Variants in FMN2 observed in about 807,000 individuals in gnomAD.
FMN2 encodes formin 2.
Under a neutral mutation model 142.3 loss-of-function variants are expected in FMN2, and 51 were observed. The observed-to-expected ratio is 0.36, with a 90% confidence interval of 0.29 to 0.45. FMN2 has a LOEUF of 0.45. Among genes scored for constraint, FMN2 ranks in the 20% least tolerant of loss-of-function variants. FMN2 has a pLI of 1.00. For missense variants in FMN2, 1,936 were observed against 2,122.8 expected, an observed-to-expected ratio of 0.91 and a Z score of 1.73; for synonymous variants, 882 against 869.8, an observed-to-expected ratio of 1.01 and a Z score of -0.25.
At chr1:240,403,623 TC>T (rs146313670) in intron 15 of FMN2, among the ~76,000 whole-genome samples, 3,469 of 152,240 alleles carry the variant, frequency 0.023, 111 homozygotes, top group African/African-American at 0.079. Flanking sequence ...TCTTTTTTTT[TC>T]CTCCAGGAGC....
intron 15 of FMN2, among the ~76,000 whole-genome samples, chr1:240,412,298 T>C (rs1221749797): frequency 6.6e-6 from 1 of 152,228 alleles, no homozygotes; most frequent in African/African-American, 2.4e-5. Context: ...ATTTGAATTT[T>C]GACGCACTTT....
intron 2 of FMN2, among the ~76,000 whole-genome samples, chr1:240,155,100 A>G (rs1444874390): frequency 6.6e-6 from 1 of 151,952 alleles, no homozygotes; most frequent in African/African-American, 2.4e-5. Context: ...CATGTTGCCC[A>G]GGCTAGTCTC....
In FMN2 at chr1:240,235,488, G is replaced by A. The variant is rs539693590; in HGVS notation, c.4066-22457G>A. On this transcript the variant is annotated intron_variant, in intron 6 of 17. Coordinates refer to ENST00000319653, the MANE Select transcript of FMN2 (RefSeq NM_020066.5). ...GTGCAGTGGTGTGATCATCGCTCACGACAGCTTCAAACTCCTGGGCTTAGG... is the reference window on the plus strand; with the variant it reads ...GTGCAGTGGTGTGATCATCGCTCACAACAGCTTCAAACTCCTGGGCTTAGG... Among the ~76,000 whole-genome samples, 414 of 151,464 alleles carry A rather than the reference G, an allele frequency of 2.7e-3. 2 individuals are homozygous for A. Among genetic ancestry groups the A allele is most frequent in the African/African-American group, 9.2e-3 (381 of 41,248 alleles).
Position 240,092,301 on chromosome 1 carries a change from G to T in FMN2, c.192G>T (p.Lys64Asn). The change falls in exon 1 of 18, where the codon AAG (lysine) becomes AAT (asparagine). Residue 64 changes from lysine (K) to asparagine (N), a missense_variant. Physicochemically the swap from Lys to Asn is moderately conservative, Grantham distance 94. Coordinates refer to ENST00000319653, the MANE Select transcript of FMN2 (RefSeq NM_020066.5). ...GCGGCGGCGGGGAGTCGGGCAAGAA[G>T]AAGAGCAAGTCCGACTCCAGAGCCT... ...GGGGGGESGKKKSKSDSRASV... is the reference protein window; with the variant it reads ...GGGGGGESGKNKSKSDSRASV... The T allele has an allele frequency of 1.3e-6, 2 of 1,598,132 alleles. No individual in the cohort carries two copies. The highest frequency in any genetic ancestry group is 1.7e-6 in the Non-Finnish European group (2 of 1,170,722).
intron 15 of FMN2, among the ~76,000 whole-genome samples, chr1:240,436,608 T>G (rs561041851): frequency 6.7e-6 from 1 of 148,544 alleles, no homozygotes; most frequent in African/African-American, 2.5e-5. Context: ...ACCCGGGAAG[T>G]GGAGGTTGCA....
chr1:240,410,258 T>C (rs190837860), intron 15 of FMN2, among the ~76,000 whole-genome samples: 3 of 152,262 alleles, frequency 2.0e-5, no homozygotes, highest in Admixed American at 1.3e-4. Flanking sequence ...AATTTTTAAT[T>C]CCATCCAAAA....
chr1:240,425,574 G>C (rs1315197966), intron 15 of FMN2, among the ~76,000 whole-genome samples: 1 of 152,060 alleles, frequency 6.6e-6, no homozygotes, highest in Non-Finnish European at 1.5e-5. Context: ...TATGCTTCTG[G>C]TTGTCGTAGA....
chr1:240,431,128 A>G (rs1051124471), intron 15 of FMN2, among the ~76,000 whole-genome samples: 5 of 151,838 alleles, frequency 3.3e-5, no homozygotes, highest in Non-Finnish European at 5.9e-5. Context: ...TCTCTCAACA[A>G]TGTTTGTAGT....
intron 2 of FMN2, among the ~76,000 whole-genome samples, chr1:240,128,121 C>T (rs1243681898): frequency 6.6e-6 from 1 of 152,178 alleles, no homozygotes; most frequent in Non-Finnish European, 1.5e-5. Context: ...CAAGAGAAAA[C>T]AGGGATCATA....
chr1:240,330,136 T>C (rs1671329228), intron 10 of FMN2, among the ~76,000 whole-genome samples: 1 of 152,206 alleles, frequency 6.6e-6, no homozygotes, highest in African/African-American at 2.4e-5. Flanking sequence ...GGGGTAAACC[T>C]AAATTTAGAA....
Position 240,206,924 on chromosome 1 carries a change from G to C in FMN2, c.2112G>C (p.Val704=), listed in dbSNP as rs137903301. Residue 704 remains valine (V), a synonymous_variant, in exon 5 of 18, where the codon GTG becomes GTC. Coordinates refer to ENST00000319653, the MANE Select transcript of FMN2 (RefSeq NM_020066.5). ...ERQYPALDTE[V]ASGHQGLENG... is the part of the protein sequence containing the mutation. ...AGTATCCTGCCCTGGACACAGAGGT[G>C]GCCAGTGGTCATCAAGGGCTTGAGA... 122 of 1,614,048 alleles carry C rather than the reference G, an allele frequency of 7.6e-5. No homozygotes were observed. Among genetic ancestry groups the C allele is most frequent in the Non-Finnish European group, 1.0e-4 (120 of 1,180,016 alleles).
chr1:240,237,461 T>C (rs1024130040), intron 6 of FMN2, among the ~76,000 whole-genome samples: 15 of 152,334 alleles, frequency 9.8e-5, no homozygotes, highest in Middle Eastern at 3.4e-3. Context: ...ACTGCTGTTA[T>C]GCATTTTGTT....
chr1:240,280,012 C>G (rs1669345729), intron 7 of FMN2, among the ~76,000 whole-genome samples: 1 of 152,100 alleles, frequency 6.6e-6, no homozygotes, highest in Admixed American at 6.6e-5. Flanking sequence ...AAGGTGATCT[C>G]TGTAGTACAG....
At chr1:240,389,310 T>C (rs993722502) in intron 14 of FMN2, among the ~76,000 whole-genome samples, 1 of 152,186 alleles carries the variant, frequency 6.6e-6, no homozygotes. Flanking sequence ...AAACAATACA[T>C]GTATAAATAT....
Position 240,393,671 on chromosome 1 carries a change from G to A in FMN2, c.4910+1109G>A, listed in dbSNP as rs374737897. 4.1e-4 allele frequency among the ~76,000 whole-genome samples: 63 copies of A among 152,292 alleles called. 1 individual carries two copies. The highest frequency in any genetic ancestry group is 1.9e-4 in the East Asian group (1 of 5,186). On this transcript the variant is annotated intron_variant, in intron 15 of 17. Coordinates refer to ENST00000319653, the MANE Select transcript of FMN2 (RefSeq NM_020066.5). Reference sequence around the variant, plus strand: ...AGCCAAGATATGCCCAAAGCTAGACGTCTAGTGCCAAACAGTTAGCCAAGT... The same window carrying A: ...AGCCAAGATATGCCCAAAGCTAGACATCTAGTGCCAAACAGTTAGCCAAGT...
chr1:240,339,785 G>A (rs781304135), intron 13 of FMN2, among the ~76,000 whole-genome samples: 2 of 151,770 alleles, frequency 1.3e-5, no homozygotes, highest in African/African-American at 2.4e-5. Context: ...CATAATTTTT[G>A]CAATTTTTGT....
chr1:240,306,612 G>T (rs1386587831), intron 8 of FMN2, among the ~76,000 whole-genome samples: 1 of 152,158 alleles, frequency 6.6e-6, no homozygotes, highest in East Asian at 1.9e-4. Context: ...GCATTCCGTG[G>T]GGTATATGTA....
rs192043135 is a variant in FMN2 at position 240,263,562 on chromosome 1, C to T, written c.4153+5530C>T. Among the ~76,000 whole-genome samples the T allele has an allele frequency of 5.3e-4, 81 of 152,152 alleles. 1 individual carries two copies. Among genetic ancestry groups the T allele is most frequent in the African/African-American group, 1.6e-3 (66 of 41,418 alleles). On this transcript the variant is annotated intron_variant, in intron 7 of 17. Coordinates refer to ENST00000319653, the MANE Select transcript of FMN2 (RefSeq NM_020066.5). The stretch of plus-strand genomic sequence containing the variant: ...AAAGCCCATTTCAGACATTAGTATG[C>T]GTATTAAAGCCTCGGTTGTTGATTT...
chr1:240,146,064 C>T (rs1663452368), intron 2 of FMN2, among the ~76,000 whole-genome samples: 3 of 151,648 alleles, frequency 2.0e-5, no homozygotes. Flanking sequence ...CTACATATGC[C>T]ACGTTCAAAG....
Sources: gnomAD v4.1 joint callset for allele counts (sites outside exome capture counted in the v4.1 genomes callset) on GRCh38, gnomAD v4.1.1 for gene constraint, MANE v1.5 for transcripts, NCBI Gene and HGNC (gene_info 2026-07-23, HGNC 2026-07-21) for gene names.